Variants in DAB1 observed in about 807,000 individuals in gnomAD.
The protein encoded by DAB1 is disabled homolog 1.
A neutral mutation model predicts 64.6 loss-of-function variants in DAB1; 15 were observed. The ratio of observed to expected loss-of-function variants is 0.23; its 90% CI spans 0.16 to 0.36. The LOEUF (loss-of-function observed/expected upper bound fraction) is 0.36, where lower values mean the gene tolerates loss of function less well. Ranked by LOEUF, DAB1 falls within the 10% of genes least tolerant of loss-of-function variation. The pLI, the probability that DAB1 is intolerant of heterozygous loss-of-function variation, is 1.00. For synonymous variants in DAB1, 235 were observed against 251.9 expected (o/e 0.93, Z 0.64); for missense variants, 596 against 706.7 (o/e 0.84, Z 1.78).
At chr1:57,900,235 G>T (rs758123135) in intron 5 of DAB1, among the ~76,000 whole-genome samples, 5 of 152,154 alleles carry the variant, frequency 3.3e-5, no homozygotes, top group Non-Finnish European at 7.4e-5. Flanking sequence ...AAAATTGCAG[G>T]CACTGAGATA....
At chr1:57,365,027 T>C in intron 1 of DAB1, among the ~76,000 whole-genome samples, 1 of 146,800 alleles carries the variant, frequency 6.8e-6, no homozygotes, top group Non-Finnish European at 1.5e-5. Context: ...GGGATTTTTA[T>C]TATTATTGTT....
At chr1:57,633,466 G>C (rs558477645) in intron 7 of DAB1, among the ~76,000 whole-genome samples, 2 of 152,202 alleles carry the variant, frequency 1.3e-5, no homozygotes, top group Non-Finnish European at 2.9e-5. Context: ...CAAGTGGATT[G>C]CAAGGGCAGG....
chr1:57,644,686 T>G (rs2101647160), intron 7 of DAB1, among the ~76,000 whole-genome samples: 1 of 151,276 alleles, frequency 6.6e-6, no homozygotes, highest in African/African-American at 2.4e-5. Flanking sequence ...TATATATATT[T>G]TATAACTATA....
chr1:58,228,656 G>A, intron 4 of DAB1: 2 of 1,013,226 alleles, frequency 2.0e-6, no homozygotes, highest in Non-Finnish European at 2.9e-6. Flanking sequence ...CAAAGCAAAT[G>A]AGGCCAGCCT....
At chr1:57,324,705 C>T (rs976037606) in intron 1 of DAB1, among the ~76,000 whole-genome samples, 1 of 152,116 alleles carries the variant, frequency 6.6e-6, no homozygotes, top group Admixed American at 6.5e-5. Flanking sequence ...CAGCCCCCAC[C>T]CCACATCCGC....
At chr1:58,152,146 G>A (rs934318866) in intron 4 of DAB1, among the ~76,000 whole-genome samples, 12 of 152,218 alleles carry the variant, frequency 7.9e-5, no homozygotes, top group African/African-American at 2.6e-4. Flanking sequence ...TCACTTCCAT[G>A]TTACTCAGTG....
At chr1:57,035,002 C>A (rs1427035941) in intron 9 of DAB1, among the ~76,000 whole-genome samples, 2 of 152,198 alleles carry the variant, frequency 1.3e-5, no homozygotes, top group Non-Finnish European at 2.9e-5. Context: ...CCTGTTTCCA[C>A]CAGCCCATGG....
intron 1 of DAB1, among the ~76,000 whole-genome samples, chr1:57,304,115 C>G (rs1217849480): frequency 6.6e-6 from 1 of 152,108 alleles, no homozygotes; most frequent in Non-Finnish European, 1.5e-5. Flanking sequence ...GCTCATGGTT[C>G]TGGGGAGGCT....
intron 5 of DAB1, among the ~76,000 whole-genome samples, chr1:57,954,218 T>C (rs1437008965): frequency 6.6e-6 from 1 of 152,136 alleles, no homozygotes; most frequent in Non-Finnish European, 1.5e-5. Flanking sequence ...TTCGGTCTTT[T>C]CAGCACTTTC....
At chr1:57,949,730 T>C (rs971604935) in intron 5 of DAB1, among the ~76,000 whole-genome samples, 1 of 152,190 alleles carries the variant, frequency 6.6e-6, no homozygotes, top group Non-Finnish European at 1.5e-5. Flanking sequence ...CAGGTAGCCA[T>C]AATTCATTTA....
Position 58,112,806 on chromosome 1 carries a change from C to T in DAB1, n.387+37705G>A, listed in dbSNP as rs116754835. On this transcript the variant is annotated intron_variant and non_coding_transcript_variant, in intron 5 of 20. Transcript: ENST00000485760. ...GCACCACATACATGCTCCTAAAGTA[C>T]ATGATCCTGTCAAGTGGGTGGTGTG... is the stretch of plus-strand genomic sequence containing the variant. Among the ~76,000 whole-genome samples the T allele has an allele frequency of 5.1e-3, 782 of 152,266 alleles. 4 individuals carry two copies. The highest frequency in any genetic ancestry group is 7.1e-3 in the Non-Finnish European group (486 of 68,026).
At chr1:57,141,612 G>C (rs1406755271) in intron 3 of DAB1, among the ~76,000 whole-genome samples, 1 of 152,084 alleles carries the variant, frequency 6.6e-6, no homozygotes, top group Admixed American at 6.6e-5. Flanking sequence ...ATCCTCATCT[G>C]GTCTTTCTGG....
At chr1:57,840,522 A>G (rs563235903) in intron 1 of DAB1, among the ~76,000 whole-genome samples, 1 of 152,320 alleles carries the variant, frequency 6.6e-6, no homozygotes, top group Non-Finnish European at 1.5e-5. Context: ...ACACTGCCAT[A>G]AAGAACTACT....
chr1:57,304,674 A>C (rs1350187799), intron 1 of DAB1, among the ~76,000 whole-genome samples: 1 of 152,184 alleles, frequency 6.6e-6, no homozygotes, highest in Non-Finnish European at 1.5e-5. Flanking sequence ...GAAGGTGTTC[A>C]TTACATATTG....
At chr1:58,204,450 A>C (rs1025249791) in intron 4 of DAB1, among the ~76,000 whole-genome samples, 2 of 152,172 alleles carry the variant, frequency 1.3e-5, no homozygotes, top group African/African-American at 4.8e-5. Flanking sequence ...ATTTTAATCC[A>C]AGTGGCTTAC....
chr1:57,811,346 G>A (rs1478253110), intron 6 of DAB1, among the ~76,000 whole-genome samples: 1 of 152,188 alleles, frequency 6.6e-6, no homozygotes, highest in Non-Finnish European at 1.5e-5. Context: ...CTGTTCTTGT[G>A]ATAGTGAGTT....
intron 7 of DAB1, among the ~76,000 whole-genome samples, chr1:57,485,206 G>A (rs1473577511): frequency 6.6e-6 from 1 of 152,204 alleles, no homozygotes; most frequent in Admixed American, 6.5e-5. Flanking sequence ...TTCATGTCAT[G>A]AGGACAATGA....
intron 4 of DAB1, among the ~76,000 whole-genome samples, chr1:58,220,872 T>TATACAC: frequency 6.8e-6 from 1 of 146,824 alleles, no homozygotes; most frequent in East Asian, 1.9e-4. Context: ...TATACATATA[T>TATACAC]ACACACACAC....
At chr1:57,331,065 G>T (rs1676625435) in intron 1 of DAB1, among the ~76,000 whole-genome samples, 1 of 152,042 alleles carries the variant, frequency 6.6e-6, no homozygotes. Context: ...GCTGCCCCTT[G>T]CTCCATCACT....
Sources: allele counts gnomAD v4.1 joint callset (sites outside exome capture counted in the v4.1 genomes callset), GRCh38; gene constraint gnomAD v4.1.1; transcripts MANE v1.5; gene names NCBI Gene and HGNC (gene_info 2026-07-23, HGNC 2026-07-21).